ZFR2: variants seen among roughly 807,000 people sequenced by gnomAD.
The protein encoded by ZFR2 is zinc finger RNA binding protein 2.
A neutral mutation model predicts 105.7 loss-of-function variants in ZFR2; 104 were observed. The ratio of observed to expected loss-of-function variants is 0.98; its 90% CI spans 0.84 to 1.16. ZFR2 has a LOEUF of 1.16. ZFR2 is among the 50% of genes most tolerant of loss of function. The probability of loss-of-function intolerance (pLI) is 0.00; values close to 1 mark genes in which losing one functional copy is unlikely to be tolerated. For missense variants in ZFR2, 1,425 were observed against 1,355.5 expected (o/e 1.05, Z -0.80); for synonymous variants, 634 against 597.7 (o/e 1.06, Z -0.89).
rs1231300622 is a variant in ZFR2, at chr19:3,831,520, G to C, written c.635C>G (p.Ser212Cys). The stretch of plus-strand genomic sequence containing the variant: ...TGGAGGATAGAAAGGGCTGGCAGCG[G>C]AGTACACCGACGCGTCATAGTTCGG... ...SYPNYDASVY[S>C]AASPFYPPAQ... Residue 212 changes from serine to cysteine, a missense_variant, in exon 5 of 19, where the codon TCC becomes TGC. By Grantham distance (112) the Ser-to-Cys change is moderately radical. Transcript: ENST00000262961. 2 of 1,558,674 alleles carry C rather than the reference G, an allele frequency of 1.3e-6. No homozygotes were observed. The highest frequency in any genetic ancestry group is 3.9e-5 in the Admixed American group (2 of 51,602).
chr19:3,809,043 GGGA>G, intron 16 of ZFR2, 60 bp from the exon 17 acceptor site: 2 of 1,339,052 alleles, frequency 1.5e-6, no homozygotes. Flanking sequence ...CTGCCTGCCC[GGGA>G]GGTCCTGGGG....
At chr19:3,825,505 G>C in intron 6 of ZFR2, 98 bp from the exon 7 acceptor site, 1 of 1,451,898 alleles carries the variant, frequency 6.9e-7, no homozygotes, top group Non-Finnish European at 9.1e-7. Flanking sequence ...TGCAGCGCGA[G>C]TGTGGGCTGG....
At position 3,838,149 on chromosome 19, in the gene ZFR2, C is replaced by A. The variant is rs2038098161; in HGVS notation, c.54-3166G>T. Among the ~76,000 whole-genome samples, 1 of 152,004 alleles carries A rather than the reference C, an allele frequency of 6.6e-6. No homozygotes were observed. Among genetic ancestry groups the A allele is most frequent in the South Asian group, 2.1e-4 (1 of 4,826 alleles). On this transcript the variant is annotated intron_variant, in intron 1 of 18. Transcript: ENST00000262961. This position sits in a 1 kb window ranked among gnomAD's most constrained non-coding sequence, Gnocchi z 4.9. ...CCGTGACTGTGACACACAATGAACA[C>A]CGTGACTGTGACACTCGATGAACAC...
At chr19:3,830,558 C>T (rs1243942275) in intron 5 of ZFR2, among the ~76,000 whole-genome samples, 4 of 152,012 alleles carry the variant, frequency 2.6e-5, no homozygotes, top group African/African-American at 2.4e-5. Context: ...TGATCTGGGG[C>T]GGGAGGGGTC....
intron 11 of ZFR2, 31 bp downstream of exon 11, chr19:3,820,151 C>T (rs375574317): frequency 3.6e-5 from 55 of 1,547,628 alleles, no homozygotes; most frequent in African/African-American, 1.9e-4. Context: ...TGAGGTCGCC[C>T]GCGTTTGCAC....
rs117228736 is a variant in ZFR2, at chr19:3,809,047, G to A, written c.2434-64C>T. On this transcript the variant is annotated intron_variant, in intron 16 of 18. Transcript: ENST00000262961. ...CGCGGCAGCCCCTGCCTGCCCGGGA[G>A]GTCCTGGGGTCCCTGGGACAGGAGG... 2,706 of 1,282,948 alleles carry A rather than the reference G, an allele frequency of 2.1e-3. 39 individuals are homozygous for A. In the East Asian group the frequency reaches 0.042, roughly 20 times the overall value. The allele number at this position is 1,282,948 out of a possible 1,614,324, so 79.5% of individuals were successfully genotyped here.
At chr19:3,851,688 C>T (rs1160629482) in intron 1 of ZFR2, 2 of 152,340 alleles carry the variant, frequency 1.3e-5, no homozygotes, top group Non-Finnish European at 2.9e-5. Flanking sequence ...CCAAATGCGG[C>T]CTGCCTGTTT....
Position 3,813,155 on chromosome 19 carries a change from A to G in ZFR2, c.2242+665T>C, listed in dbSNP as rs2037786083. Among the ~76,000 whole-genome samples the G allele has an allele frequency of 6.6e-6, 1 of 152,208 alleles. No individual in the cohort carries two copies. Among genetic ancestry groups the G allele is most frequent in the African/African-American group, 2.4e-5 (1 of 41,456 alleles). The stretch of plus-strand genomic sequence containing the variant: ...TAGGTCATGGCCCTCAGTTATGACC[A>G]AAAAAGATTACGAAGGGGGTAAAAG... On this transcript the variant is annotated intron_variant, in intron 14 of 18. Coordinates refer to ENST00000262961, the MANE Select transcript of ZFR2 (RefSeq NM_015174.2). The surrounding 1 kb of genome is among the most constrained non-coding windows in gnomAD (Gnocchi z 4.4).
At position 3,806,023 on chromosome 19, in the gene ZFR2, G is replaced by T. The variant is rs199859071; in HGVS notation, c.2746C>A (p.Arg916=). Residue 916 remains arginine (R), a synonymous_variant, in exon 19 of 19, where the codon CGG becomes AGG. Transcript: ENST00000262961. ...RLGARFRKRQ[R]GPGEGEEGAG... The stretch of plus-strand genomic sequence containing the variant: ...CCCTCCTCTCCCTCGCCAGGTCCCC[G>T]TTGCCTCTTCCGGAAGCGGGCCCCC... 1 of 1,545,208 alleles carries T rather than the reference G, an allele frequency of 6.5e-7. No individual in the cohort carries two copies. Among genetic ancestry groups the T allele is most frequent in the Non-Finnish European group, 8.7e-7 (1 of 1,146,556 alleles).
At position 3,813,205 on chromosome 19, in the gene ZFR2, C is replaced by T. The variant is rs1034893946; in HGVS notation, c.2242+615G>A. Among the ~76,000 whole-genome samples, 24 of 152,310 alleles carry T rather than the reference C, an allele frequency of 1.6e-4. No individual in the cohort carries two copies. The highest frequency in any genetic ancestry group is 5.3e-4 in the African/African-American group (22 of 41,572). On this transcript the variant is annotated intron_variant, in intron 14 of 18. Coordinates refer to ENST00000262961, the MANE Select transcript of ZFR2 (RefSeq NM_015174.2). The surrounding 1 kb of genome is among the most constrained non-coding windows in gnomAD (Gnocchi z 4.4). ...GATGATAGGAGTTTGGAAAACTGCC[C>T]TAGAGACTGTTCTGGAAGATTCCAC...
chr19:3,840,196 A>G (rs2038121274), intron 1 of ZFR2, among the ~76,000 whole-genome samples: 1 of 151,710 alleles, frequency 6.6e-6, no homozygotes, highest in South Asian at 2.1e-4. Context: ...CGCCCAGTAC[A>G]GAAGCAGCAG....
At chr19:3,848,157 A>G (rs1397183714) in intron 1 of ZFR2, among the ~76,000 whole-genome samples, 1 of 152,206 alleles carries the variant, frequency 6.6e-6, no homozygotes, top group Non-Finnish European at 1.5e-5. Context: ...CACGCCTGTA[A>G]TCCCAGTACT....
At chr19:3,807,949 G>A (rs1458640943) in intron 17 of ZFR2, among the ~76,000 whole-genome samples, 1 of 145,908 alleles carries the variant, frequency 6.9e-6, no homozygotes, top group Admixed American at 6.8e-5. Context: ...GTGTGTGCAT[G>A]CACTCATGTC....
At chr19:3,809,375 G>A (rs1164687296) in intron 16 of ZFR2, among the ~76,000 whole-genome samples, 2 of 152,106 alleles carry the variant, frequency 1.3e-5, no homozygotes, top group Non-Finnish European at 2.9e-5. Flanking sequence ...CCAGTGTCAG[G>A]TGCACTGTCC....
intron 12 of ZFR2, among the ~76,000 whole-genome samples, chr19:3,817,315 T>C (rs1487983314): frequency 6.6e-6 from 1 of 151,686 alleles, no homozygotes; most frequent in Non-Finnish European, 1.5e-5. Context: ...TCCCAGCACT[T>C]TGGGAGGCCG....
chr19:3,864,773 A>T (rs2038411731), intron 1 of ZFR2, among the ~76,000 whole-genome samples: 1 of 150,986 alleles, frequency 6.6e-6, no homozygotes, highest in Non-Finnish European at 1.5e-5. Flanking sequence ...CTTGAGACAG[A>T]CTCCCGCTCT....
chr19:3,844,571 GT>G, intron 1 of ZFR2, among the ~76,000 whole-genome samples: 1 of 152,224 alleles, frequency 6.6e-6, no homozygotes, highest in Admixed American at 6.5e-5. Flanking sequence ...TTTCCACCAT[GT>G]TGGCCAGGCT....
At chr19:3,829,436 G>A (rs1310609595) in intron 5 of ZFR2, among the ~76,000 whole-genome samples, 1 of 152,082 alleles carries the variant, frequency 6.6e-6, no homozygotes, top group African/African-American at 2.4e-5. Flanking sequence ...GAGGGATTAT[G>A]GGGGACTATA....
intron 8 of ZFR2, among the ~76,000 whole-genome samples, chr19:3,822,776 G>T (rs1057231048): frequency 3.3e-5 from 5 of 152,274 alleles, no homozygotes; most frequent in Non-Finnish European, 5.9e-5. Context: ...TCTTTGGCAC[G>T]CACAAGGCCA....
Sources: allele counts gnomAD v4.1 joint callset (sites outside exome capture counted in the v4.1 genomes callset), GRCh38; gene constraint gnomAD v4.1.1; non-coding constraint Gnocchi (gnomAD v3.1); transcripts MANE v1.5; gene names NCBI Gene and HGNC (gene_info 2026-07-23, HGNC 2026-07-21).